NTRK3: variants seen among roughly 807,000 people sequenced by gnomAD.
The protein encoded by NTRK3 is neurotrophic receptor tyrosine kinase 3, also known as NT-3 growth factor receptor.
Under a neutral mutation model 91.7 loss-of-function variants are expected in NTRK3, and 24 were observed. The ratio of observed to expected loss-of-function variants is 0.26; its 90% CI spans 0.19 to 0.37. NTRK3 has a LOEUF of 0.37. Ranked by LOEUF, NTRK3 falls within the 10% of genes least tolerant of loss-of-function variation. The pLI is 1.00. For synonymous variants in NTRK3, 483 were observed against 404.0 expected (o/e 1.20, Z -2.34); for missense variants, 880 against 1,068.9 (o/e 0.82, Z 2.46).
At chr15:88,043,857 G>A (rs540895548) in intron 13 of NTRK3, among the ~76,000 whole-genome samples, 4 of 152,204 alleles carry the variant, frequency 2.6e-5, no homozygotes, top group Admixed American at 6.5e-5. Context: ...GCTGATATAA[G>A]ACTTCCTAAC....
chr15:87,876,925 C>G (rs1221327475), exon 19 of NTRK3: 1 of 1,613,728 alleles, frequency 6.2e-7, no homozygotes, highest in Admixed American at 1.7e-5. Flanking sequence ...TTCATGACCA[C>G]CAGCCACCAC....
At chr15:88,199,736 A>G (rs188311580) in intron 3 of NTRK3, among the ~76,000 whole-genome samples, 98 of 152,308 alleles carry the variant, frequency 6.4e-4, no homozygotes, top group Admixed American at 3.1e-3. Flanking sequence ...CACCGGGGAA[A>G]GTGTCTGGGG....
chr15:88,112,625 C>T (rs749281333), intron 13 of NTRK3, among the ~76,000 whole-genome samples: 11 of 152,260 alleles, frequency 7.2e-5, no homozygotes, highest in South Asian at 2.1e-4. Context: ...TTAACACTGG[C>T]CATGTGGAAA....
At chr15:88,032,791 G>GT in intron 14 of NTRK3, 66 bp downstream of exon 14, 1 of 1,575,010 alleles carries the variant, frequency 6.3e-7, no homozygotes, top group Non-Finnish European at 8.7e-7. Flanking sequence ...AGAACCCCAG[G>GT]TACATGGTCT....
intron 15 of NTRK3, among the ~76,000 whole-genome samples, chr15:87,933,852 C>G (rs2069021628): frequency 6.6e-6 from 1 of 152,172 alleles, no homozygotes; most frequent in Non-Finnish European, 1.5e-5. Flanking sequence ...CTCAGATACA[C>G]TCAGGGCCAG....
intron 3 of NTRK3, among the ~76,000 whole-genome samples, chr15:88,223,166 C>T (rs578227262): frequency 3.3e-5 from 5 of 152,220 alleles, no homozygotes; most frequent in African/African-American, 9.6e-5. Flanking sequence ...GCTGGAACAC[C>T]CCCAGCACAC....
At chr15:88,085,469 C>T (rs749902325) in intron 13 of NTRK3, among the ~76,000 whole-genome samples, 8 of 152,128 alleles carry the variant, frequency 5.3e-5, no homozygotes, top group Non-Finnish European at 1.0e-4. Flanking sequence ...ATGCTCTGCC[C>T]CTTCAGCCGG....
At chr15:88,156,982 A>G (rs1035314769) in intron 5 of NTRK3, among the ~76,000 whole-genome samples, 9 of 152,126 alleles carry the variant, frequency 5.9e-5, no homozygotes, top group African/African-American at 2.2e-4. Flanking sequence ...CACAGTGCAC[A>G]AAGAGACTCT....
intron 13 of NTRK3, among the ~76,000 whole-genome samples, chr15:88,116,895 G>C (rs1472137998): frequency 6.6e-6 from 1 of 152,178 alleles, no homozygotes; most frequent in African/African-American, 2.4e-5. Context: ...TGATTCAGTG[G>C]GTATGGGGTA....
chr15:88,212,383 A>G (rs532378606), intron 3 of NTRK3, among the ~76,000 whole-genome samples: 2 of 152,284 alleles, frequency 1.3e-5, no homozygotes, highest in African/African-American at 4.8e-5. Context: ...AAATAAAAAT[A>G]AAATAAAAAG....
intron 14 of NTRK3, among the ~76,000 whole-genome samples, chr15:88,015,303 A>G (rs546482030): frequency 2.0e-5 from 3 of 152,338 alleles, no homozygotes; most frequent in Non-Finnish European, 4.4e-5. Context: ...TATTGTGTCA[A>G]TAAGCTATGC....
chr15:88,109,945 G>A (rs2051147483), intron 13 of NTRK3, among the ~76,000 whole-genome samples: 2 of 152,120 alleles, frequency 1.3e-5, no homozygotes, highest in Admixed American at 6.5e-5. Flanking sequence ...TGGGGACTAA[G>A]CTAATTGCTT....
intron 14 of NTRK3, among the ~76,000 whole-genome samples, chr15:87,965,680 A>G (rs1016712413): frequency 6.6e-6 from 1 of 152,212 alleles, no homozygotes; most frequent in African/African-American, 2.4e-5. Context: ...TCTCTAAACA[A>G]TGGAAACTTT....
chr15:87,863,932 A>G (rs1350128315), exon 19 of NTRK3: 1 of 232,196 alleles, frequency 4.3e-6, no homozygotes, highest in Non-Finnish European at 8.5e-6. Flanking sequence ...AAACTCATAA[A>G]CAACTACATT....
rs190385139 is a variant in NTRK3, at chr15:88,018,267, T to C, written c.1585+14590A>G. Reference sequence around the variant, plus strand: ...GGGGATGACTACATAGGAGCTAAAGTGCTAGAGAGGAATTGCCTTCTGCTG... The same window carrying C: ...GGGGATGACTACATAGGAGCTAAAGCGCTAGAGAGGAATTGCCTTCTGCTG... On this transcript the variant is annotated intron_variant, in intron 14 of 18. Coordinates refer to ENST00000394480, the Ensembl canonical transcript of NTRK3. Among the ~76,000 whole-genome samples the C allele has an allele frequency of 6.6e-5, 10 of 152,296 alleles. No homozygotes were observed. In the South Asian group the frequency reaches 1.9e-3, roughly 28 times the overall value.
At chr15:87,954,038 G>C (rs1166535303) in intron 14 of NTRK3, among the ~76,000 whole-genome samples, 4 of 150,422 alleles carry the variant, frequency 2.7e-5, no homozygotes, top group Admixed American at 6.6e-5. Context: ...GTGTGTGTGT[G>C]TGTGTGTGTG....
intron 14 of NTRK3, among the ~76,000 whole-genome samples, chr15:87,993,858 T>C (rs1312994016): frequency 6.6e-6 from 1 of 152,076 alleles, no homozygotes; most frequent in African/African-American, 2.4e-5. Context: ...TAAAAAACAA[T>C]GACTGCAAAG....
In NTRK3 at chr15:88,137,778, T is replaced by C. The variant is rs1597525803; in HGVS notation, c.465-217A>G. Among the ~76,000 whole-genome samples, 3 of 152,304 alleles carry C rather than the reference T, an allele frequency of 2.0e-5. No homozygotes were observed. The East Asian group carries it at 5.8e-4, about 29-fold the overall frequency. On this transcript the variant is annotated intron_variant, in intron 6 of 18. Transcript: ENST00000394480. ...TTTTAAAAAAAGAAATCCAGCCAGG[T>C]GCGGTGGCTCATGCCTGTAATCCCA...
chr15:87,896,190 A>C (rs1403541651), intron 17 of NTRK3, among the ~76,000 whole-genome samples: 2 of 152,162 alleles, frequency 1.3e-5, no homozygotes, highest in Non-Finnish European at 2.9e-5. Flanking sequence ...AATATTTTAC[A>C]GGCCAGGTGC....
Sources: gnomAD v4.1 joint callset for allele counts (sites outside exome capture counted in the v4.1 genomes callset) on GRCh38, gnomAD v4.1.1 for gene constraint, MANE v1.5 for transcripts, NCBI Gene and HGNC (gene_info 2026-07-23, HGNC 2026-07-21) for gene names.